Variants in USP6NL observed in about 807,000 individuals in gnomAD.
The protein encoded by USP6NL is USP6 N-terminal like, also known as USP6 N-terminal-like protein.
A neutral mutation model predicts 61.9 loss-of-function variants in USP6NL; 26 were observed. The ratio of observed to expected loss-of-function variants is 0.42; its 90% CI spans 0.31 to 0.58. The LOEUF (loss-of-function observed/expected upper bound fraction) is 0.58. Among genes scored for constraint, USP6NL ranks in the 20% least tolerant of loss-of-function variants. The pLI, the probability that USP6NL is intolerant of heterozygous loss-of-function variation, is 0.16. For missense variants in USP6NL, 1,114 were observed against 1,034.3 expected (o/e 1.08, Z -1.06); for synonymous variants, 432 against 390.1 (o/e 1.11, Z -1.27).
chr10:11,575,071 CAA>C lies in USP6NL; in HGVS notation c.4+22558_4+22559del, dbSNP rs902456090. 6.6e-6 allele frequency among the ~76,000 whole-genome samples: 1 copy of C among 152,116 alleles called. No homozygotes were observed. The highest frequency in any genetic ancestry group is 6.6e-5 in the Admixed American group (1 of 15,266). The stretch of plus-strand genomic sequence containing the variant: ...TGAGAAAATACTTGGAAAGAGAGGA[CAA>C]AAGAGGACCACTCTCCTAATTCCCT... On this transcript the variant is annotated intron_variant, in intron 2 of 14. Transcript: ENST00000609104. The surrounding 1 kb of genome is among the most constrained non-coding windows in gnomAD (Gnocchi z 4.2).
chr10:11,527,369 G>C, intron 3 of USP6NL, 131 bp downstream of exon 3: 6 of 730,548 alleles, frequency 8.2e-6, no homozygotes. Flanking sequence ...AGTCAGCGAA[G>C]ATGATCTCTA....
intron 2 of USP6NL, among the ~76,000 whole-genome samples, chr10:11,593,678 C>T (rs1236867789): frequency 6.6e-6 from 1 of 152,136 alleles, no homozygotes; most frequent in African/African-American, 2.4e-5. Context: ...AGATACTCAG[C>T]CTCAGAACGT....
Position 11,602,412 on chromosome 10 carries a change from T to C in USP6NL, c.-83-4695A>G, listed in dbSNP as rs1168364618. Reference sequence around the variant, plus strand: ...AATATGTATTACAATAAATATATAATGTATAATGCATAATAAATCTTACTA... The same window carrying C: ...AATATGTATTACAATAAATATATAACGTATAATGCATAATAAATCTTACTA... On this transcript the variant is annotated intron_variant, in intron 1 of 14. Transcript: ENST00000609104. The surrounding 1 kb of genome is among the most constrained non-coding windows in gnomAD (Gnocchi z 4.8). Among the ~76,000 whole-genome samples the C allele has an allele frequency of 6.6e-6, 1 of 152,160 alleles. No individual in the cohort carries two copies. Among genetic ancestry groups the C allele is most frequent in the East Asian group, 1.9e-4 (1 of 5,200 alleles).
chr10:11,463,576 C>T lies in USP6NL; in HGVS notation c.1352G>A (p.Arg451Lys), dbSNP rs1310431665. 4 of 1,613,872 alleles carry T rather than the reference C, an allele frequency of 2.5e-6. No individual in the cohort carries two copies. Among genetic ancestry groups the T allele is most frequent in the Non-Finnish European group, 3.4e-6 (4 of 1,179,890 alleles). ...GTCCTGTGGACCCGATGGGAGTTTTCTTTGAAAATCTGCCTCATCTTTAAG... is the reference window on the plus strand; with the variant it reads ...GTCCTGTGGACCCGATGGGAGTTTTTTTTGAAAATCTGCCTCATCTTTAAG... ...KKLKDEADFQ[R>K]KLPSGPQDSS... Residue 451 changes from arginine (R) to lysine (K), a missense_variant, in exon 15 of 15, where the codon AGA (arginine) becomes AAA (lysine). By Grantham distance (26) the Arg-to-Lys change is conservative (BLOSUM62 2). Coordinates refer to ENST00000609104, the MANE Select transcript of USP6NL (RefSeq NM_014688.5). The surrounding 1 kb of genome is among the most constrained non-coding windows in gnomAD (Gnocchi z 6.3).
chr10:11,485,269 TA>T lies in USP6NL; in HGVS notation c.760-36del. 1.3e-6 allele frequency: 2 copies of T among 1,484,084 alleles called. No homozygotes were observed. Among genetic ancestry groups the T allele is most frequent in the Admixed American group, 5.5e-5 (2 of 36,612 alleles). 91.9% of individuals were successfully genotyped at this position (1,484,084 alleles called of 1,614,324 possible). A position where few individuals can be genotyped will look rare whatever the true frequency, so the allele number is the denominator to read the frequency against. On this transcript the variant is annotated intron_variant, in intron 11 of 14. Coordinates refer to ENST00000609104, the MANE Select transcript of USP6NL (RefSeq NM_014688.5). This position sits in a 1 kb window ranked among gnomAD's most constrained non-coding sequence, Gnocchi z 4.8. ...CAAAGAGCTCACAATTTATGGATTG[TA>T]GCAAACTAAATTTAACAAAATAATA...
At chr10:11,521,354 A>G (rs967464238) in intron 4 of USP6NL, among the ~76,000 whole-genome samples, 1 of 146,816 alleles carries the variant, frequency 6.8e-6, no homozygotes, top group African/African-American at 2.5e-5. Context: ...TTATTATATT[A>G]TATACATATA....
At chr10:11,549,942 C>T (rs1261988944) in intron 2 of USP6NL, among the ~76,000 whole-genome samples, 1 of 152,126 alleles carries the variant, frequency 6.6e-6, no homozygotes, top group African/African-American at 2.4e-5. Context: ...GCTCTGTTGT[C>T]GGCCTTAGAT....
rs550704298 is a variant in USP6NL at position 11,542,115 on chromosome 10, G to C, written c.5-14548C>G. 2.0e-5 allele frequency among the ~76,000 whole-genome samples: 3 copies of C among 152,204 alleles called. No individual in the cohort carries two copies. The East Asian group carries it at 5.8e-4, about 29-fold the overall frequency. ...ATTAAGTGAATGACAATCAGATGAA[G>C]AATATAAAGACCAGCTTTTCCTTGG... On this transcript the variant is annotated intron_variant, in intron 2 of 14. Coordinates refer to ENST00000609104, the MANE Select transcript of USP6NL (RefSeq NM_014688.5).
chr10:11,510,239 C>T lies in USP6NL; in HGVS notation c.196-564G>A, dbSNP rs145763373. ...AGGACAATGGACAAGGAACACACTGCGTTGTGGCAGGCACTGGCACAGGCA... is the reference window on the plus strand; with the variant it reads ...AGGACAATGGACAAGGAACACACTGTGTTGTGGCAGGCACTGGCACAGGCA... On this transcript the variant is annotated intron_variant, in intron 5 of 14. Transcript: ENST00000609104. The surrounding 1 kb of genome is among the most constrained non-coding windows in gnomAD (Gnocchi z 4.8). 1.1e-4 allele frequency among the ~76,000 whole-genome samples: 16 copies of T among 152,264 alleles called. No homozygotes were observed. The highest frequency in any genetic ancestry group is 1.8e-4 in the Non-Finnish European group (12 of 68,028).
In USP6NL at chr10:11,462,270, A is replaced by G; in HGVS notation, c.*171T>C. Reference sequence around the variant, plus strand: ...ATGATGCAATTGAAACGCTCATCTTAAGCAGCATCTACGTGGGGCTGAAGA... The same window carrying G: ...ATGATGCAATTGAAACGCTCATCTTGAGCAGCATCTACGTGGGGCTGAAGA... On this transcript the variant is annotated 3_prime_UTR_variant, in exon 15 of 15. Transcript: ENST00000609104. The G allele has an allele frequency of 2.6e-6, 2 of 775,186 alleles. No homozygotes were observed. The highest frequency in any genetic ancestry group is 4.0e-5 in the South Asian group (2 of 49,982). 48.0% of individuals were successfully genotyped at this position (775,186 alleles called of 1,614,324 possible). A position where few individuals can be genotyped will look rare whatever the true frequency, so the allele number is the denominator to read the frequency against.
At position 11,562,205 on chromosome 10, in the gene USP6NL, T is replaced by C. The variant is rs1323425457; in HGVS notation, c.5-34638A>G. On this transcript the variant is annotated intron_variant, in intron 2 of 14. Coordinates refer to ENST00000609104, the MANE Select transcript of USP6NL (RefSeq NM_014688.5). This position sits in a 1 kb window ranked among gnomAD's most constrained non-coding sequence, Gnocchi z 4.8. Reference sequence around the variant, plus strand: ...TGAAGCCGGTAGGCGGAGGTTGCAGTGAGCCGAGATCGCACCACTGCACGC... The same window carrying C: ...TGAAGCCGGTAGGCGGAGGTTGCAGCGAGCCGAGATCGCACCACTGCACGC... Among the ~76,000 whole-genome samples the C allele has an allele frequency of 6.7e-6, 1 of 148,374 alleles. No individual in the cohort carries two copies. Among genetic ancestry groups the C allele is most frequent in the South Asian group, 2.1e-4 (1 of 4,738 alleles).
In USP6NL at chr10:11,555,509, T is replaced by C. The variant is rs1040318340; in HGVS notation, c.5-27942A>G. ...AGAGAGAGAGAAGAGGAATAAAAGATAGAAAATACATGAAAGAGCATAGGA... is the reference window on the plus strand; with the variant it reads ...AGAGAGAGAGAAGAGGAATAAAAGACAGAAAATACATGAAAGAGCATAGGA... On this transcript the variant is annotated intron_variant, in intron 2 of 14. Transcript: ENST00000609104. Among the ~76,000 whole-genome samples, 6 of 113,866 alleles carry C rather than the reference T, an allele frequency of 5.3e-5. No individual in the cohort carries two copies. The South Asian group carries it at 9.0e-4, about 17-fold the overall frequency. The allele number at this position is 113,866 out of a possible 152,430, so 74.7% of individuals were successfully genotyped here.
At chr10:11,535,605 C>T (rs1835801339) in intron 2 of USP6NL, among the ~76,000 whole-genome samples, 1 of 152,200 alleles carries the variant, frequency 6.6e-6, no homozygotes, top group Non-Finnish European at 1.5e-5. Flanking sequence ...GAATAGCCCA[C>T]CCCAAAGCTG....
intron 13 of USP6NL, among the ~76,000 whole-genome samples, chr10:11,484,372 C>T (rs1591831020): frequency 6.7e-6 from 1 of 149,258 alleles, no homozygotes; most frequent in Admixed American, 6.7e-5. Flanking sequence ...AAATATATTG[C>T]AACTGAAGAC....
intron 2 of USP6NL, among the ~76,000 whole-genome samples, chr10:11,558,410 C>T (rs1270201079): frequency 6.6e-6 from 1 of 152,188 alleles, no homozygotes; most frequent in Non-Finnish European, 1.5e-5. Context: ...TACATCCATT[C>T]CCAAAATGGT....
At chr10:11,594,096 C>T (rs955386330) in intron 2 of USP6NL, among the ~76,000 whole-genome samples, 11 of 152,110 alleles carry the variant, frequency 7.2e-5, no homozygotes, top group Non-Finnish European at 1.5e-4. Flanking sequence ...TACCACATAT[C>T]CATAATTTTT....
At position 11,485,941 on chromosome 10, in the gene USP6NL, A is replaced by C. The variant is rs373208340; in HGVS notation, c.665-30T>G. 7.0e-7 allele frequency: 1 copy of C among 1,422,280 alleles called. No individual in the cohort carries two copies. Among genetic ancestry groups the C allele is most frequent in the African/African-American group, 1.4e-5 (1 of 69,512 alleles). The allele number at this position is 1,422,280 out of a possible 1,614,324, so 88.1% of individuals were successfully genotyped here. A position where few individuals can be genotyped will look rare whatever the true frequency, so the allele number is the denominator to read the frequency against. On this transcript the variant is annotated intron_variant, in intron 10 of 14. Transcript: ENST00000609104. The surrounding 1 kb of genome is among the most constrained non-coding windows in gnomAD (Gnocchi z 4.8). ...AATACAAACATAAAAACAACATTTC[A>C]TAAACAATACCAACAAAACCCTCCA...
chr10:11,517,358 G>T (rs1027825357), intron 5 of USP6NL, among the ~76,000 whole-genome samples: 5 of 152,214 alleles, frequency 3.3e-5, no homozygotes, highest in Non-Finnish European at 7.4e-5. Flanking sequence ...CAGCTACAAA[G>T]AATCTGCCTT....
chr10:11,555,064 T>TAC (rs1836633172), intron 2 of USP6NL, among the ~76,000 whole-genome samples: 1 of 147,810 alleles, frequency 6.8e-6, no homozygotes, highest in East Asian at 2.1e-4. Context: ...GTGCTGGGAT[T>TAC]ACAGGCATGA....
Sources: gnomAD v4.1 joint callset for allele counts (sites outside exome capture counted in the v4.1 genomes callset) on GRCh38, gnomAD v4.1.1 for gene constraint, Gnocchi (gnomAD v3.1) non-coding constraint, MANE v1.5 for transcripts, NCBI Gene and HGNC (gene_info 2026-07-23, HGNC 2026-07-21) for gene names.